The following KDM4B variants were observed in gnomAD, a reference collection of about 807,000 sequenced individuals.
KDM4B encodes the protein lysine demethylase 4B.
KDM4B carries 32 observed loss-of-function variants against 125.2 expected under a neutral mutation model. The observed-to-expected ratio is 0.26, with a 90% CI of 0.19 to 0.34. KDM4B has a LOEUF of 0.34. Ranked by LOEUF, KDM4B falls within the 10% of genes least tolerant of loss-of-function variation. The probability of loss-of-function intolerance (pLI) is 1.00; values close to 1 mark genes in which losing one functional copy is unlikely to be tolerated. For missense variants in KDM4B, 1,190 were observed against 1,577.7 expected (o/e 0.75, Z 4.16); for synonymous variants, 721 against 677.9 (o/e 1.06, Z -0.99).
At chr19:5,103,788 G>C (rs1427525408) in intron 9 of KDM4B, among the ~76,000 whole-genome samples, 3 of 152,352 alleles carry the variant, frequency 2.0e-5, no homozygotes, top group Middle Eastern at 3.4e-3. Context: ...GAACAGCCCC[G>C]AGCCCAGGGG....
chr19:5,150,558 T>G, intron 22 of KDM4B, 108 bp downstream of exon 22: 2 of 750,698 alleles, frequency 2.7e-6, no homozygotes, highest in Non-Finnish European at 4.3e-6. Context: ...CCCCCTCCTC[T>G]TGCACCTCTG....
intron 9 of KDM4B, among the ~76,000 whole-genome samples, chr19:5,106,249 TGTG>T (rs1270478593): frequency 6.7e-6 from 1 of 148,828 alleles, no homozygotes; most frequent in Non-Finnish European, 1.5e-5. Context: ...TTAGAGTCAT[TGTG>T]TGTGTGTGTG....
At chr19:5,104,109 C>T (rs915463200) in intron 9 of KDM4B, among the ~76,000 whole-genome samples, 6 of 152,132 alleles carry the variant, frequency 3.9e-5, no homozygotes, top group African/African-American at 2.4e-5. Context: ...GGAGGCTGGC[C>T]GAATCCCTGG....
intron 8 of KDM4B, among the ~76,000 whole-genome samples, chr19:5,079,654 A>G (rs939853639): frequency 2.6e-5 from 4 of 152,236 alleles, no homozygotes; most frequent in Non-Finnish European, 2.9e-5. Flanking sequence ...GCCTTAGAGC[A>G]GGTGGTCAGG....
At chr19:4,983,278 C>T (rs197155) in intron 1 of KDM4B, among the ~76,000 whole-genome samples, 3,057 of 152,092 alleles carry the variant, frequency 0.02, 101 homozygotes, top group African/African-American at 0.069. Flanking sequence ...TAGATGGGGT[C>T]CTGGTGCTTA....
chr19:5,118,553 C>G (rs1351675531), intron 10 of KDM4B, among the ~76,000 whole-genome samples: 1 of 152,154 alleles, frequency 6.6e-6, no homozygotes, highest in Non-Finnish European at 1.5e-5. Context: ...CTCGGCTTCT[C>G]TGCACTCCCG....
chr19:5,058,674 G>C (rs1257827757), intron 6 of KDM4B, among the ~76,000 whole-genome samples: 1 of 152,250 alleles, frequency 6.6e-6, no homozygotes, highest in East Asian at 1.9e-4. Context: ...AGTCCTGTCT[G>C]CGGCCCCTCG....
chr19:5,030,163 G>A (rs367918015), intron 2 of KDM4B, among the ~76,000 whole-genome samples: 1 of 152,174 alleles, frequency 6.6e-6, no homozygotes, highest in Non-Finnish European at 1.5e-5. Context: ...CTGGAGTGCA[G>A]TGGCGCAATC....
chr19:4,980,679 C>T (rs1376918669), intron 1 of KDM4B, among the ~76,000 whole-genome samples: 3 of 152,098 alleles, frequency 2.0e-5, no homozygotes, highest in Admixed American at 6.5e-5. Context: ...CTGCCTGCCT[C>T]GGCCTCCCAA....
chr19:5,151,719 G>A lies in KDM4B; in HGVS notation c.*208G>A, dbSNP rs955853303. 14 of 401,072 alleles carry A rather than the reference G, an allele frequency of 3.5e-5. No homozygotes were observed. Among genetic ancestry groups the A allele is most frequent in the East Asian group, 1.1e-4 (3 of 27,820 alleles). The allele number at this position is 401,072 out of a possible 1,614,324, so 24.8% of individuals were successfully genotyped here. A position where few individuals can be genotyped will look rare whatever the true frequency, so the allele number is the denominator to read the frequency against. ...GCAGGGCCAGGCGGGCTCGGGGGCC[G>A]GCCAGGGGAGCACCCCACTCAACTA... On this transcript the variant is annotated 3_prime_UTR_variant, in exon 23 of 23. Coordinates refer to ENST00000159111, the MANE Select transcript of KDM4B (RefSeq NM_015015.3).
At chr19:5,019,545 TTGG>T (rs1214323882) in intron 2 of KDM4B, among the ~76,000 whole-genome samples, 1 of 140,826 alleles carries the variant, frequency 7.1e-6, no homozygotes, top group Admixed American at 7.1e-5. Context: ...TGTGCAGGTG[TTGG>T]TGTGCAGGTA....
intron 22 of KDM4B, 28 bp downstream of exon 22, chr19:5,150,478 T>C (rs1568329756): frequency 1.3e-6 from 2 of 1,511,250 alleles, no homozygotes; most frequent in African/African-American, 2.8e-5. Flanking sequence ...GCCTGGTGGC[T>C]CCGGGTGACT....
intron 1 of KDM4B, among the ~76,000 whole-genome samples, chr19:5,004,233 C>G (rs1304372552): frequency 6.6e-6 from 1 of 152,086 alleles, no homozygotes; most frequent in African/African-American, 2.4e-5. Flanking sequence ...TCGTGGGAAC[C>G]CCTCCAGTGC....
intron 11 of KDM4B, among the ~76,000 whole-genome samples, chr19:5,127,420 G>A (rs964829752): frequency 3.9e-5 from 6 of 152,202 alleles, no homozygotes; most frequent in South Asian, 2.1e-4. Flanking sequence ...GTGTCTGCCC[G>A]GGCTTCACTG....
At chr19:5,083,204 C>T (rs983608623) in intron 9 of KDM4B, among the ~76,000 whole-genome samples, 3 of 152,220 alleles carry the variant, frequency 2.0e-5, no homozygotes, top group African/African-American at 7.2e-5. Flanking sequence ...ACTCTCCTAA[C>T]GCCACGTACA....
rs536792308 is a variant in KDM4B, at chr19:5,130,644, C to T, written c.1316-432C>T. On this transcript the variant is annotated intron_variant, in intron 11 of 22. Transcript: ENST00000159111. ...TAGAAATGTACGTAATTCGGATACACGAGAACACAAAAAGTGCTTCTCCCC... is the reference window on the plus strand; with the variant it reads ...TAGAAATGTACGTAATTCGGATACATGAGAACACAAAAAGTGCTTCTCCCC... Among the ~76,000 whole-genome samples the T allele has an allele frequency of 1.2e-3, 178 of 152,366 alleles. 1 individual carries two copies. Among genetic ancestry groups the T allele is most frequent in the Non-Finnish European group, 2.0e-3 (139 of 68,026 alleles).
intron 1 of KDM4B, among the ~76,000 whole-genome samples, chr19:4,986,886 T>C (rs1018948360): frequency 1.1e-4 from 17 of 152,088 alleles, no homozygotes; most frequent in African/African-American, 4.1e-4. Context: ...GCCTGCTGCC[T>C]AGTCAGCCGT....
At chr19:4,981,004 G>A (rs2034621174) in intron 1 of KDM4B, among the ~76,000 whole-genome samples, 1 of 152,198 alleles carries the variant, frequency 6.6e-6, no homozygotes, top group African/African-American at 2.4e-5. Flanking sequence ...TTGAGGTGCA[G>A]TGGCCCGGCG....
intron 11 of KDM4B, among the ~76,000 whole-genome samples, chr19:5,126,279 A>G (rs1333665558): frequency 6.6e-6 from 1 of 152,096 alleles, no homozygotes; most frequent in Non-Finnish European, 1.5e-5. Flanking sequence ...TGGCTGCTTC[A>G]AGGTCTGGGA....
Sources: allele counts gnomAD v4.1 joint callset (sites outside exome capture counted in the v4.1 genomes callset), GRCh38; gene constraint gnomAD v4.1.1; transcripts MANE v1.5; gene names NCBI Gene and HGNC (gene_info 2026-07-23, HGNC 2026-07-21).